ROBO1: variants seen among roughly 807,000 people sequenced by gnomAD.
ROBO1 encodes the protein roundabout homolog 1.
A neutral mutation model predicts 195.9 loss-of-function variants in ROBO1; 149 were observed. That is an observed-to-expected ratio of 0.76 (90% confidence interval 0.67 to 0.87). ROBO1 has a LOEUF of 0.87. ROBO1 is among the 40% of genes least tolerant of loss of function. ROBO1 has a pLI of 0.00. For synonymous variants in ROBO1, 816 were observed against 733.2 expected (o/e 1.11, Z -1.82); for missense variants, 1,933 against 2,068.3 (o/e 0.93, Z 1.27).
chr3:78,989,013 T>A (rs375820420), intron 3 of ROBO1, among the ~76,000 whole-genome samples: 2 of 151,854 alleles, frequency 1.3e-5, no homozygotes, highest in South Asian at 2.1e-4. Context: ...GTAGGGAGAA[T>A]AGAGGGAAGG....
intron 2 of ROBO1, among the ~76,000 whole-genome samples, chr3:79,436,428 A>G (rs1191467948): frequency 1.3e-5 from 2 of 151,952 alleles, no homozygotes; most frequent in African/African-American, 2.4e-5. Flanking sequence ...TCAACTTTCC[A>G]TCTTATTTCA....
At chr3:79,493,974 G>A (rs1939601332) in intron 2 of ROBO1, among the ~76,000 whole-genome samples, 1 of 152,032 alleles carries the variant, frequency 6.6e-6, no homozygotes, top group African/African-American at 2.4e-5. Flanking sequence ...TCAAAGATAA[G>A]TTTGAAGTTC....
intron 4 of ROBO1, among the ~76,000 whole-genome samples, chr3:78,770,205 T>G (rs1437426316): frequency 6.6e-6 from 1 of 152,168 alleles, no homozygotes; most frequent in African/African-American, 2.4e-5. Context: ...CTTCCTCAGG[T>G]ACACCAATTA....
intron 1 of ROBO1, among the ~76,000 whole-genome samples, chr3:79,602,845 T>C (rs916964765): frequency 4.6e-5 from 7 of 152,016 alleles, no homozygotes; most frequent in Non-Finnish European, 1.0e-4. Context: ...TTGCTTTCTT[T>C]GGGCAAGCTT....
At chr3:78,656,980 C>T in intron 18 of ROBO1, 118 bp downstream of exon 18, 4 of 924,966 alleles carry the variant, frequency 4.3e-6, no homozygotes, top group Non-Finnish European at 6.3e-6. Context: ...TAGCTCTAAG[C>T]CATATTCCAT....
intron 2 of ROBO1, among the ~76,000 whole-genome samples, chr3:79,509,558 T>C (rs1261915175): frequency 6.6e-6 from 1 of 152,176 alleles, no homozygotes; most frequent in Non-Finnish European, 1.5e-5. Flanking sequence ...CCTTAATACA[T>C]GTGTCAATGT....
At chr3:79,090,097 G>A (rs1266976409) in intron 3 of ROBO1, among the ~76,000 whole-genome samples, 1 of 151,732 alleles carries the variant, frequency 6.6e-6, no homozygotes, top group Non-Finnish European at 1.5e-5. Flanking sequence ...GCACCACCAT[G>A]CCCAGCTAAT....
intron 4 of ROBO1, among the ~76,000 whole-genome samples, chr3:78,781,946 C>G (rs1269290833): frequency 6.6e-6 from 1 of 151,918 alleles, no homozygotes; most frequent in African/African-American, 2.4e-5. Context: ...TATGAAACAT[C>G]CAAAAAGTCT....
chr3:79,766,157 C>G (rs1330290532), intron 1 of ROBO1, among the ~76,000 whole-genome samples: 2 of 151,938 alleles, frequency 1.3e-5, no homozygotes, highest in African/African-American at 4.8e-5. Flanking sequence ...CCTTTAGTGC[C>G]GCAGACAGGC....
At chr3:79,381,378 GA>G (rs869279510) in intron 2 of ROBO1, among the ~76,000 whole-genome samples, 3 of 63,348 alleles carry the variant, frequency 4.7e-5, no homozygotes, top group South Asian at 9.1e-4. Context: ...AAAAAAAAAA[GA>G]AAAGAAAAGA....
intron 2 of ROBO1, among the ~76,000 whole-genome samples, chr3:79,441,415 C>T (rs766158088): frequency 5.3e-5 from 8 of 151,964 alleles, no homozygotes; most frequent in Non-Finnish European, 1.0e-4. Flanking sequence ...TTCTGTATGG[C>T]GGCACTATTA....
intron 2 of ROBO1, among the ~76,000 whole-genome samples, chr3:79,548,623 TAA>T (rs145989435): frequency 9.0e-4 from 137 of 152,318 alleles, no homozygotes; most frequent in African/African-American, 3.1e-3. Flanking sequence ...TAAAATATAT[TAA>T]GACTTCTTTT....
intron 2 of ROBO1, among the ~76,000 whole-genome samples, chr3:79,188,444 T>C (rs1435245206): frequency 6.6e-6 from 1 of 151,890 alleles, no homozygotes; most frequent in Non-Finnish European, 1.5e-5. Context: ...AGCAGTTTGT[T>C]AATGTCTTTG....
At chr3:79,499,894 C>A (rs1276836147) in intron 2 of ROBO1, among the ~76,000 whole-genome samples, 3 of 152,132 alleles carry the variant, frequency 2.0e-5, no homozygotes, top group Admixed American at 6.5e-5. Context: ...GCAACCTCCG[C>A]CTCCCTGGTT....
At chr3:79,395,340 A>AAAAG (rs71127382) in intron 2 of ROBO1, among the ~76,000 whole-genome samples, 32,180 of 116,132 alleles carry the variant, frequency 0.28, 5,189 homozygotes, top group East Asian at 0.39. Context: ...AAAAAAAAAA[A>AAAAG]AAAGAAAGAA....
chr3:78,811,412 G>A (rs2084735124), intron 4 of ROBO1, among the ~76,000 whole-genome samples: 1 of 152,104 alleles, frequency 6.6e-6, no homozygotes, highest in African/African-American at 2.4e-5. Flanking sequence ...GTATTTCCAT[G>A]TTATAGGAGC....
rs560606239 is a variant in ROBO1, at chr3:79,009,610, T to G, written c.173-70683A>C. Among the ~76,000 whole-genome samples the G allele has an allele frequency of 2.6e-5, 4 of 152,316 alleles. No homozygotes were observed. In the South Asian group the frequency reaches 8.3e-4, roughly 32 times the overall value. On this transcript the variant is annotated intron_variant, in intron 3 of 30. Transcript: ENST00000464233. ...GCATTACTTCTGAAAGAGTATTGAT[T>G]ACAGTGCTGTTTTTGATAGCTATCA...
intron 2 of ROBO1, chr3:79,533,043 T>G: frequency 2.4e-6 from 1 of 420,660 alleles, no homozygotes. Context: ...TTTAAACCAT[T>G]AAAAAGGGTG....
At chr3:79,144,307 C>G (rs1404223852) in intron 2 of ROBO1, among the ~76,000 whole-genome samples, 1 of 151,906 alleles carries the variant, frequency 6.6e-6, no homozygotes, top group Non-Finnish European at 1.5e-5. Flanking sequence ...ATTTTAAAAG[C>G]CACACATATA....
Sources: allele counts gnomAD v4.1 joint callset (sites outside exome capture counted in the v4.1 genomes callset), GRCh38; gene constraint gnomAD v4.1.1; transcripts MANE v1.5; gene names NCBI Gene and HGNC (gene_info 2026-07-23, HGNC 2026-07-21).